The following FHOD3 variants were observed in gnomAD, a reference collection of about 807,000 sequenced individuals.
FHOD3 encodes FH1/FH2 domain-containing protein 3.
A neutral mutation model predicts 173.0 loss-of-function variants in FHOD3; 90 were observed. The observed-to-expected ratio is 0.52, with a 90% CI of 0.44 to 0.62. FHOD3 has a LOEUF of 0.62. FHOD3 is among the 20% of genes least tolerant of loss of function. FHOD3 has a pLI of 0.00. For missense variants in FHOD3, 1,945 were observed against 2,034.7 expected (o/e 0.96, Z 0.85); for synonymous variants, 828 against 823.0 (o/e 1.01, Z -0.10).
rs71168224 is a variant in FHOD3 at position 36,437,682 on chromosome 18, T to TTTTTTTA, written c.338-64250_338-64249insTTTTTTA. On this transcript the variant is annotated intron_variant, in intron 3 of 28. Transcript: ENST00000590592. Reference sequence around the variant, plus strand: ...CTTTCTTTCTTTTTTTTTTTTTTTTTAAGACAGAGTCTTGCTCTGTCGCCA... The same window carrying TTTTTTTA: ...CTTTCTTTCTTTTTTTTTTTTTTTTTTTTTTTAAAGACAGAGTCTTGCTCTGTCGCCA... Among the ~76,000 whole-genome samples, 99 of 129,642 alleles carry TTTTTTTA rather than the reference T, an allele frequency of 7.6e-4. 1 individual carries two copies. Among genetic ancestry groups the TTTTTTTA allele is most frequent in the African/African-American group, 2.5e-3 (89 of 35,938 alleles). The allele number at this position is 129,642 out of a possible 152,430, so 85.1% of individuals were successfully genotyped here. A position where few individuals can be genotyped will look rare whatever the true frequency, so the allele number is the denominator to read the frequency against.
intron 1 of FHOD3, among the ~76,000 whole-genome samples, chr18:36,336,349 T>C (rs970831062): frequency 3.3e-5 from 5 of 152,138 alleles, no homozygotes; most frequent in East Asian, 3.9e-4. Flanking sequence ...ATTTTGATTT[T>C]GACATTTTAA....
chr18:36,479,078 G>T (rs2053742613), intron 3 of FHOD3, among the ~76,000 whole-genome samples: 1 of 152,186 alleles, frequency 6.6e-6, no homozygotes, highest in South Asian at 2.1e-4. Flanking sequence ...CTTCCTGCGT[G>T]TCCCTTTCCA....
chr18:36,630,851 A>T (rs2148858177), intron 10 of FHOD3, among the ~76,000 whole-genome samples: 1 of 152,372 alleles, frequency 6.6e-6, no homozygotes, highest in African/African-American at 2.4e-5. Context: ...AAAATTGACT[A>T]ATGTATGTTT....
At chr18:36,541,305 G>A (rs6507174) in intron 5 of FHOD3, among the ~76,000 whole-genome samples, 31,695 of 150,250 alleles carry the variant, frequency 0.21, 3,856 homozygotes, top group East Asian at 0.53. Context: ...TTGGCAGGGC[G>A]TGGTGCCTCA....
intron 3 of FHOD3, among the ~76,000 whole-genome samples, chr18:36,390,945 A>G (rs2048274196): frequency 6.6e-6 from 1 of 152,254 alleles, no homozygotes; most frequent in African/African-American, 2.4e-5. Context: ...ATGGACAGGT[A>G]TGCACTGCCT....
chr18:36,500,384 T>A (rs1488941253), intron 3 of FHOD3, among the ~76,000 whole-genome samples: 10 of 152,214 alleles, frequency 6.6e-5, no homozygotes, highest in Admixed American at 6.5e-4. Context: ...ATCCTTTCTG[T>A]CACTAGACTT....
At chr18:36,315,441 C>T (rs1249957769) in intron 1 of FHOD3, among the ~76,000 whole-genome samples, 4 of 152,126 alleles carry the variant, frequency 2.6e-5, no homozygotes, top group South Asian at 2.1e-4. Context: ...ACCCTCACCC[C>T]GAGACTCTTG....
intron 8 of FHOD3, among the ~76,000 whole-genome samples, chr18:36,610,494 A>G (rs1014308384): frequency 3.9e-5 from 6 of 152,164 alleles, no homozygotes; most frequent in South Asian, 2.1e-4. Context: ...GTGAACACCT[A>G]TTTATGATGG....
chr18:36,342,543 C>A (rs1473622122), intron 1 of FHOD3, among the ~76,000 whole-genome samples: 2 of 152,268 alleles, frequency 1.3e-5, no homozygotes, highest in Admixed American at 1.3e-4. Context: ...AGCTAGAAAG[C>A]AATGGAATAA....
chr18:36,608,428 T>G (rs2032319177), intron 8 of FHOD3, among the ~76,000 whole-genome samples: 1 of 152,208 alleles, frequency 6.6e-6, no homozygotes, highest in South Asian at 2.1e-4. Flanking sequence ...AATCCATTCA[T>G]TACCTAATCA....
At chr18:36,507,714 T>G (rs2055378227) in intron 4 of FHOD3, among the ~76,000 whole-genome samples, 1 of 152,212 alleles carries the variant, frequency 6.6e-6, no homozygotes, top group South Asian at 2.1e-4. Flanking sequence ...TTCCCAAAGC[T>G]CCACTTCAGA....
intron 19 of FHOD3, among the ~76,000 whole-genome samples, chr18:36,730,287 G>A (rs142216638): frequency 6.4e-4 from 97 of 152,240 alleles, no homozygotes; most frequent in African/African-American, 1.9e-3. Context: ...CAAGACATTC[G>A]GACACCTCAA....
intron 1 of FHOD3, among the ~76,000 whole-genome samples, chr18:36,350,958 T>C (rs1282995948): frequency 6.6e-6 from 1 of 152,186 alleles, no homozygotes; most frequent in Non-Finnish European, 1.5e-5. Context: ...TTTGCTGTTT[T>C]CAACATATTG....
Position 36,690,001 on chromosome 18 carries a change from G to A in FHOD3, c.2021+2823G>A, listed in dbSNP as rs1027204487. On this transcript the variant is annotated intron_variant, in intron 16 of 28. Transcript: ENST00000590592. Reference sequence around the variant, plus strand: ...GAAAAGTCATCAGTAAGTAGGTCTAGGTTAATCTAAAGTCAAGCAGAGTTT... The same window carrying A: ...GAAAAGTCATCAGTAAGTAGGTCTAAGTTAATCTAAAGTCAAGCAGAGTTT... Among the ~76,000 whole-genome samples, 7 of 152,246 alleles carry A rather than the reference G, an allele frequency of 4.6e-5. No homozygotes were observed. The East Asian group carries it at 1.2e-3, about 25-fold the overall frequency.
intron 3 of FHOD3, among the ~76,000 whole-genome samples, chr18:36,447,549 A>C (rs1214094707): frequency 6.6e-6 from 1 of 152,142 alleles, no homozygotes; most frequent in African/African-American, 2.4e-5. Flanking sequence ...GTACCGAAGA[A>C]CTTTGTGTGG....
chr18:36,569,796 T>G (rs1009148523), intron 5 of FHOD3, among the ~76,000 whole-genome samples: 2 of 152,108 alleles, frequency 1.3e-5, no homozygotes, highest in African/African-American at 4.8e-5. Context: ...ATGTCCAAAC[T>G]CTTAGAAATT....
At chr18:36,609,109 C>T (rs1259617927) in intron 8 of FHOD3, among the ~76,000 whole-genome samples, 1 of 152,250 alleles carries the variant, frequency 6.6e-6, no homozygotes, top group African/African-American at 2.4e-5. Context: ...TGTCACAGGC[C>T]TTGTCAAGAC....
chr18:36,558,811 T>C (rs1568425682), intron 5 of FHOD3, among the ~76,000 whole-genome samples: 2 of 152,216 alleles, frequency 1.3e-5, no homozygotes, highest in South Asian at 4.1e-4. Context: ...TGGTGTGTCA[T>C]CATTGGAACT....
chr18:36,520,578 A>G (rs2056225552), intron 5 of FHOD3, among the ~76,000 whole-genome samples: 1 of 152,200 alleles, frequency 6.6e-6, no homozygotes. Flanking sequence ...TCAATCTGGA[A>G]TCACATTTTT....
Sources: gnomAD v4.1 joint callset for allele counts (sites outside exome capture counted in the v4.1 genomes callset) on GRCh38, gnomAD v4.1.1 for gene constraint, MANE v1.5 for transcripts, NCBI Gene and HGNC (gene_info 2026-07-23, HGNC 2026-07-21) for gene names.